MTTP: variants seen among roughly 807,000 people sequenced by gnomAD.
The protein encoded by MTTP is microsomal triglyceride transfer protein, also known as microsomal triglyceride transfer protein large subunit.
In MTTP, 49 loss-of-function variants were observed where a neutral mutation model predicts 90.6. That is an observed-to-expected ratio of 0.54 (90% confidence interval 0.43 to 0.69). MTTP has a LOEUF of 0.69. MTTP is among the 30% of genes least tolerant of loss of function. MTTP has a pLI of 0.00. For synonymous variants in MTTP, 347 were observed against 384.2 expected (o/e 0.90, Z 1.13); for missense variants, 945 against 1,067.5 (o/e 0.89, Z 1.60).
intron 10 of MTTP, among the ~76,000 whole-genome samples, chr4:99,602,655 T>G (rs1309308726): frequency 6.6e-6 from 1 of 152,154 alleles, no homozygotes; most frequent in African/African-American, 2.4e-5. Flanking sequence ...GGGTATTAAC[T>G]TATTAAGTTC....
intron 3 of MTTP, among the ~76,000 whole-genome samples, chr4:99,585,506 T>G (rs765718021): frequency 2.0e-5 from 3 of 152,162 alleles, no homozygotes; most frequent in Non-Finnish European, 4.4e-5. Flanking sequence ...AGTTGACTTA[T>G]TTGATTTTCT....
chr4:99,619,348 C>T (rs1464460374), intron 16 of MTTP, among the ~76,000 whole-genome samples: 1 of 152,060 alleles, frequency 6.6e-6, no homozygotes, highest in African/African-American at 2.4e-5. Flanking sequence ...AGACAGGATG[C>T]CCTGTGAATC....
intron 15 of MTTP, 22 bp downstream of exon 15, chr4:99,613,162 T>C (rs1185824843): frequency 3.1e-6 from 5 of 1,592,722 alleles, no homozygotes; most frequent in East Asian, 2.2e-5. Context: ...AGTCTGTGAG[T>C]ATTTATTGAG....
At chr4:99,573,472 C>A (rs1356724951), upstream of MTTP, among the ~76,000 whole-genome samples, 1 of 152,100 alleles carries the variant, frequency 6.6e-6, no homozygotes, top group Non-Finnish European at 1.5e-5. Context: ...GTTTCTCCAA[C>A]CAAACAATTT....
rs528283782 is a variant in MTTP, at chr4:99,590,381, C to T, written c.501+631C>T. ...CTGGGATTACAAGCATGAGCCACCG[C>T]GCTTGGTCAAACATCTGTATTTTAA... On this transcript the variant is annotated intron_variant, in intron 4 of 17. Transcript: ENST00000265517. Among the ~76,000 whole-genome samples, 6 of 152,242 alleles carry T rather than the reference C, an allele frequency of 3.9e-5. No individual in the cohort carries two copies. In the East Asian group the frequency reaches 7.7e-4, roughly 20 times the overall value.
chr4:99,584,261 T>C (rs974770142), intron 3 of MTTP: 1 of 152,058 alleles, frequency 6.6e-6, no homozygotes, highest in African/African-American at 2.4e-5. Flanking sequence ...TGTGTTGACA[T>C]ACATAAAAAT....
intron 6 of MTTP, among the ~76,000 whole-genome samples, chr4:99,592,289 T>C (rs564713924): frequency 2.0e-5 from 3 of 152,346 alleles, no homozygotes; most frequent in Non-Finnish European, 4.4e-5. Flanking sequence ...TGTACACTAC[T>C]GTAGACTTTA....
At chr4:99,574,502 C>T (rs1724906140), upstream of MTTP, among the ~76,000 whole-genome samples, 1 of 152,092 alleles carries the variant, frequency 6.6e-6, no homozygotes, top group South Asian at 2.1e-4. Context: ...TGAATATAGG[C>T]AGTTACTATT....
chr4:99,612,692 A>C (rs552998660), intron 14 of MTTP, among the ~76,000 whole-genome samples: 3 of 152,140 alleles, frequency 2.0e-5, no homozygotes, highest in Non-Finnish European at 2.9e-5. Flanking sequence ...GGGTAATATC[A>C]TATGTACTTC....
At chr4:99,616,509 T>A (rs1211699617) in intron 15 of MTTP, among the ~76,000 whole-genome samples, 2 of 152,188 alleles carry the variant, frequency 1.3e-5, no homozygotes, top group Non-Finnish European at 2.9e-5. Flanking sequence ...TAAGATATAA[T>A]GCCTACCATG....
intron 16 of MTTP, among the ~76,000 whole-genome samples, chr4:99,619,650 G>A (rs1726182177): frequency 6.6e-6 from 1 of 152,048 alleles, no homozygotes; most frequent in South Asian, 2.1e-4. Flanking sequence ...AAAATTATTA[G>A]CCTTCTGTTA....
At chr4:99,595,364 T>C (rs1725529069) in intron 7 of MTTP, 1 of 178,390 alleles carries the variant, frequency 5.6e-6, no homozygotes, top group Non-Finnish European at 1.2e-5. Flanking sequence ...CCCCTACAAT[T>C]CCTGTCAGAA....
In MTTP at chr4:99,608,802, C is replaced by G; in HGVS notation, c.1594C>G (p.Arg532Gly). ...CTTAAACAGAATATACCACCAAAACCGTAAAGTTCATGAAAAGACTGTGCG... is the reference window on the plus strand; with the variant it reads ...CTTAAACAGAATATACCACCAAAACGGTAAAGTTCATGAAAAGACTGTGCG... ...KTLNRIYHQN[R>G]KVHEKTVRTA... The change falls in exon 12 of 18, where the codon CGT (arginine) becomes GGT (glycine). Residue 532 changes from arginine (R) to glycine (G), a missense_variant. Arg to Gly is a moderately radical substitution (Grantham distance 125). Coordinates refer to ENST00000265517, the MANE Select transcript of MTTP (RefSeq NM_001386140.1). The G allele has an allele frequency of 6.2e-7, 1 of 1,614,010 alleles. No homozygotes were observed. The highest frequency in any genetic ancestry group is 8.5e-7 in the Non-Finnish European group (1 of 1,179,978).
chr4:99,590,175 A>G (rs1257769146), intron 4 of MTTP, among the ~76,000 whole-genome samples: 1 of 152,014 alleles, frequency 6.6e-6, no homozygotes, highest in African/African-American at 2.4e-5. Context: ...GGCTCACTGC[A>G]ACCTCTGCCT....
chr4:99,600,428 T>C (rs997323070), intron 8 of MTTP, 137 bp from the exon 9 acceptor site: 20 of 902,082 alleles, frequency 2.2e-5, no homozygotes, highest in Non-Finnish European at 3.4e-5. Flanking sequence ...GTCTTAATCA[T>C]TTTTTCATTT....
chr4:99,597,727 T>C (rs1467948819), intron 8 of MTTP, among the ~76,000 whole-genome samples: 3 of 152,240 alleles, frequency 2.0e-5, no homozygotes, highest in Non-Finnish European at 4.4e-5. Context: ...GAAAAGAATC[T>C]GGAGAAAATA....
At chr4:99,590,081 T>C (rs1725377426) in intron 4 of MTTP, among the ~76,000 whole-genome samples, 3 of 151,850 alleles carry the variant, frequency 2.0e-5, no homozygotes, top group African/African-American at 7.3e-5. Context: ...TCTGATTCAG[T>C]AGATCGGGGA....
intron 11 of MTTP, among the ~76,000 whole-genome samples, chr4:99,607,693 A>G (rs1163450781): frequency 2.0e-5 from 3 of 152,246 alleles, no homozygotes; most frequent in Non-Finnish European, 4.4e-5. Flanking sequence ...CTAATAATCA[A>G]TGAAGTTACT....
intron 1 of MTTP, among the ~76,000 whole-genome samples, 155 bp downstream of exon 1, chr4:99,575,125 A>C (rs1030839505): frequency 5.3e-5 from 8 of 152,198 alleles, no homozygotes; most frequent in African/African-American, 1.9e-4. Context: ...TTGTGAAAGC[A>C]TGGCTGAGTT....
Sources: gnomAD v4.1 joint callset for allele counts (sites outside exome capture counted in the v4.1 genomes callset) on GRCh38, gnomAD v4.1.1 for gene constraint, MANE v1.5 for transcripts, NCBI Gene and HGNC (gene_info 2026-07-23, HGNC 2026-07-21) for gene names.